Variants in TMOD1 observed in about 807,000 individuals in gnomAD.
TMOD1 encodes the protein tropomodulin 1.
A neutral mutation model predicts 40.6 loss-of-function variants in TMOD1; 17 were observed. The observed-to-expected ratio is 0.42, with a 90% CI of 0.29 to 0.63. The LOEUF is 0.63. Ranked by LOEUF, TMOD1 falls within the 20% of genes least tolerant of loss-of-function variation. The pLI is 0.22. For synonymous variants in TMOD1, 181 were observed against 175.0 expected (o/e 1.03, Z -0.27); for missense variants, 391 against 447.6 (o/e 0.87, Z 1.14).
chr9:97,554,289 G>C (rs887919207), intron 4 of TMOD1, among the ~76,000 whole-genome samples: 2 of 152,112 alleles, frequency 1.3e-5, no homozygotes, highest in African/African-American at 4.8e-5. Context: ...GAGTGAAGCA[G>C]GGTAACCTCA....
chr9:97,599,416 T>TATGA lies in TMOD1; in HGVS notation c.1016-211_1016-208dup, dbSNP rs543979358. 3.1e-3 allele frequency among the ~76,000 whole-genome samples: 467 copies of TATGA among 152,316 alleles called. 2 individuals carry two copies. The highest frequency in any genetic ancestry group is 0.01 in the African/African-American group (436 of 41,558). ...TGTGGTCAGCCACTTAGCAGATATC[T>TATGA]ATGAATGAATCTCCACTACCACAGA... On this transcript the variant is annotated intron_variant, in intron 9 of 9. Coordinates refer to ENST00000259365, the MANE Select transcript of TMOD1 (RefSeq NM_003275.4).
At chr9:97,562,936 C>A (rs1830663313) in intron 5 of TMOD1, 115 bp downstream of exon 5, 3 of 775,446 alleles carry the variant, frequency 3.9e-6, no homozygotes, top group African/African-American at 1.9e-5. Context: ...ATCTGTTCAT[C>A]CTTTCCTTTG....
chr9:97,569,701 C>T (rs1830789938), intron 8 of TMOD1, among the ~76,000 whole-genome samples: 1 of 152,210 alleles, frequency 6.6e-6, no homozygotes. Flanking sequence ...CTCTGAGATA[C>T]ACATCTTACA....
intron 9 of TMOD1, among the ~76,000 whole-genome samples, chr9:97,598,425 A>G (rs1300200468): frequency 6.6e-6 from 1 of 151,490 alleles, no homozygotes; most frequent in African/African-American, 2.4e-5. Flanking sequence ...TTCCTCATCC[A>G]TAAAATGGGA....
intron 8 of TMOD1, among the ~76,000 whole-genome samples, chr9:97,578,674 T>A (rs1825673521): frequency 6.6e-6 from 1 of 152,120 alleles, no homozygotes; most frequent in African/African-American, 2.4e-5. Flanking sequence ...AGTATACTCA[T>A]CTCTAAGATG....
chr9:97,564,290 T>A (rs892293302), intron 6 of TMOD1, 122 bp downstream of exon 6: 2 of 1,317,604 alleles, frequency 1.5e-6, no homozygotes, highest in African/African-American at 3.0e-5. Flanking sequence ...GGATTCTGGG[T>A]GTTTCTGCAT....
rs148885406 is a variant in TMOD1 at position 97,589,344 on chromosome 9, G to C, written c.871-1947G>C. Among the ~76,000 whole-genome samples the C allele has an allele frequency of 5.2e-4, 75 of 142,972 alleles. No homozygotes were observed. The East Asian group carries it at 0.014, about 27-fold the overall frequency. 93.8% of individuals were successfully genotyped at this position (142,972 alleles called of 152,430 possible). On this transcript the variant is annotated intron_variant, in intron 8 of 9. Transcript: ENST00000259365. The stretch of plus-strand genomic sequence containing the variant: ...TTGCCAGGCTGGAGTGCAGTGGCGC[G>C]ATCTCTGCTCACTGCAACCTCTGCC...
chr9:97,504,468 A>G (rs1046454045), intron 1 of TMOD1, among the ~76,000 whole-genome samples: 1 of 152,160 alleles, frequency 6.6e-6, no homozygotes, highest in Admixed American at 6.5e-5. Context: ...GAGTATGGCA[A>G]GTAGTGAGAA....
chr9:97,592,406 A>G lies in TMOD1; in HGVS notation c.1015+971A>G, dbSNP rs574478756. On this transcript the variant is annotated intron_variant, in intron 9 of 9. Transcript: ENST00000259365. ...CAAGTTACATTATTCTTATCACAGA[A>G]GGGAAGGAAGCATAATGAGTTTGAA... Among the ~76,000 whole-genome samples, 9 of 150,422 alleles carry G rather than the reference A, an allele frequency of 6.0e-5. No homozygotes were observed. The East Asian group carries it at 1.8e-3, about 30-fold the overall frequency.
intron 3 of TMOD1, 42 bp downstream of exon 3, chr9:97,546,383 C>T (rs773888660): frequency 2.5e-6 from 4 of 1,593,598 alleles, no homozygotes; most frequent in South Asian, 1.1e-5. Flanking sequence ...ACTCCCCATG[C>T]ACCATTGAGT....
intron 2 of TMOD1, among the ~76,000 whole-genome samples, chr9:97,543,326 A>G (rs962102894): frequency 2.6e-5 from 4 of 152,206 alleles, no homozygotes; most frequent in African/African-American, 9.7e-5. Flanking sequence ...AGTTTTTTGA[A>G]TTTATATTTG....
intron 8 of TMOD1, among the ~76,000 whole-genome samples, chr9:97,587,321 AT>A (rs1825901297): frequency 1.3e-5 from 2 of 152,176 alleles, no homozygotes; most frequent in African/African-American, 4.8e-5. Flanking sequence ...ACAGTGTGCC[AT>A]TTTCTAGACC....
At chr9:97,515,148 T>G (rs1230301472) in intron 1 of TMOD1, among the ~76,000 whole-genome samples, 1 of 146,282 alleles carries the variant, frequency 6.8e-6, no homozygotes, top group African/African-American at 2.5e-5. Flanking sequence ...ACCAGCCTGG[T>G]CAACATAGTG....
chr9:97,539,449 A>G (rs1482338251), intron 2 of TMOD1, among the ~76,000 whole-genome samples: 2 of 152,160 alleles, frequency 1.3e-5, no homozygotes, highest in African/African-American at 4.8e-5. Flanking sequence ...TCACATTGTA[A>G]AACAGGCACC....
At chr9:97,538,840 C>CA (rs532196976) in intron 2 of TMOD1, among the ~76,000 whole-genome samples, 6,654 of 126,970 alleles carry the variant, frequency 0.052, 474 homozygotes, top group African/African-American at 0.17. Context: ...ACTAAAAATA[C>CA]AAAAAAAAAA....
intron 2 of TMOD1, among the ~76,000 whole-genome samples, chr9:97,530,738 C>T (rs1307546124): frequency 6.6e-6 from 1 of 150,622 alleles, no homozygotes; most frequent in Non-Finnish European, 1.5e-5. Flanking sequence ...ATCCACCTGC[C>T]TCAGCCTCCC....
At chr9:97,599,530 A>G in intron 9 of TMOD1, 104 bp from the exon 10 acceptor site, 1 of 1,447,876 alleles carries the variant, frequency 6.9e-7, no homozygotes, top group Non-Finnish European at 9.6e-7. Context: ...AGACTCTGTT[A>G]ACAAACCAAT....
intron 4 of TMOD1, among the ~76,000 whole-genome samples, chr9:97,554,570 G>A (rs926742210): frequency 6.6e-6 from 1 of 152,034 alleles, no homozygotes; most frequent in Non-Finnish European, 1.5e-5. Context: ...GGTGCAAATC[G>A]TGGGAATGGG....
Position 97,564,105 on chromosome 9 carries a change from A to G in TMOD1, c.555A>G (p.Glu185=). 1 of 1,614,144 alleles carries G rather than the reference A, an allele frequency of 6.2e-7. No individual in the cohort carries two copies. Among genetic ancestry groups the G allele is most frequent in the Non-Finnish European group, 8.5e-7 (1 of 1,179,992 alleles). The change falls in exon 6 of 10, where the codon GAA becomes GAG. Residue 185 remains glutamate (E), a synonymous_variant. Coordinates refer to ENST00000259365, the MANE Select transcript of TMOD1 (RefSeq NM_003275.4). ...DEEPNSTDVE[E]TLERIKNNDP... is the part of the protein sequence containing the mutation. The stretch of plus-strand genomic sequence containing the variant: ...AACCAAATTCAACAGACGTAGAGGA[A>G]ACGCTGGAACGGATAAAGAACAACG...
Sources: allele counts gnomAD v4.1 joint callset (sites outside exome capture counted in the v4.1 genomes callset), GRCh38; gene constraint gnomAD v4.1.1; transcripts MANE v1.5; gene names NCBI Gene and HGNC (gene_info 2026-07-23, HGNC 2026-07-21).